The following LEMD3 variants were observed in gnomAD, a reference collection of about 807,000 sequenced individuals.
LEMD3 encodes inner nuclear membrane protein Man1.
In LEMD3, 33 loss-of-function variants were observed where a neutral mutation model predicts 95.2. The observed-to-expected ratio is 0.35, with a 90% CI of 0.26 to 0.46. The LOEUF (loss-of-function observed/expected upper bound fraction) is 0.46, where lower values mean the gene tolerates loss of function less well. LEMD3 is among the 20% of genes least tolerant of loss of function. The probability of loss-of-function intolerance (pLI) is 1.00; values close to 1 mark genes in which losing one functional copy is unlikely to be tolerated. For synonymous variants in LEMD3, 525 were observed against 474.6 expected (o/e 1.11, Z -1.38); for missense variants, 1,210 against 1,192.8 (o/e 1.01, Z -0.21).
At position 65,241,811 on chromosome 12, in the gene LEMD3, C is replaced by T. The variant is rs143307906; in HGVS notation, c.2305+724C>T. On this transcript the variant is annotated intron_variant, in intron 9 of 12. Coordinates refer to ENST00000308330, the MANE Select transcript of LEMD3 (RefSeq NM_014319.5). ...ACATGCAATACAAAGTCCAGTCACT[C>T]CTTTTTTATTCTCCAATTAATTTTC... Among the ~76,000 whole-genome samples, 4 of 152,218 alleles carry T rather than the reference C, an allele frequency of 2.6e-5. No homozygotes were observed. In the East Asian group the frequency reaches 7.7e-4, roughly 29 times the overall value.
intron 1 of LEMD3, among the ~76,000 whole-genome samples, chr12:65,188,753 A>G (rs1420362661): frequency 6.6e-6 from 1 of 152,138 alleles, no homozygotes; most frequent in Non-Finnish European, 1.5e-5. Flanking sequence ...AGTATGGAAT[A>G]CAAAAGTCAT....
intron 1 of LEMD3, among the ~76,000 whole-genome samples, chr12:65,205,917 A>C (rs566931520): frequency 2.0e-5 from 3 of 152,170 alleles, no homozygotes; most frequent in Non-Finnish European, 2.9e-5. Context: ...GTATACATCA[A>C]GGGAACTGTT....
At chr12:65,215,493 A>G (rs987496749) in intron 2 of LEMD3, among the ~76,000 whole-genome samples, 1 of 152,170 alleles carries the variant, frequency 6.6e-6, no homozygotes, top group Non-Finnish European at 1.5e-5. Context: ...TTAACAGTTC[A>G]TAAGTTTATA....
Position 65,171,465 on chromosome 12 carries a change from T to G in LEMD3, c.1522+347T>G, listed in dbSNP as rs930869229. On this transcript the variant is annotated intron_variant, in intron 1 of 12. Coordinates refer to ENST00000308330, the MANE Select transcript of LEMD3 (RefSeq NM_014319.5). Reference sequence around the variant, plus strand: ...CCAGTTACTTAACAAATTTGAAGTATTAGGATAAGGCACATTATAAATGTA... The same window carrying G: ...CCAGTTACTTAACAAATTTGAAGTAGTAGGATAAGGCACATTATAAATGTA... 5 of 327,144 alleles carry G rather than the reference T, an allele frequency of 1.5e-5. No homozygotes were observed. In the Admixed American group the frequency reaches 2.2e-4, roughly 14 times the overall value. 20.3% of individuals were successfully genotyped at this position (327,144 alleles called of 1,614,324 possible).
intron 4 of LEMD3, among the ~76,000 whole-genome samples, chr12:65,232,421 A>G (rs1870657196): frequency 6.6e-6 from 1 of 152,206 alleles, no homozygotes. Context: ...AACTTCTAGT[A>G]CATTTTAAGC....
chr12:65,240,692 A>G, intron 8 of LEMD3: 1 of 578,908 alleles, frequency 1.7e-6, no homozygotes, highest in Middle Eastern at 4.7e-4. Flanking sequence ...AAGCCAGTGG[A>G]GCTTTTGGGG....
chr12:65,170,000 T>C lies in LEMD3; in HGVS notation c.404T>C (p.Val135Ala). The C allele has an allele frequency of 1.3e-6, 2 of 1,492,692 alleles. No homozygotes were observed. The highest frequency in any genetic ancestry group is 1.8e-6 in the Non-Finnish European group (2 of 1,132,104). 92.5% of individuals were successfully genotyped at this position (1,492,692 alleles called of 1,614,324 possible). Residue 135 changes from valine to alanine, a missense_variant, in exon 1 of 13, where the codon GTG becomes GCG. Transcript: ENST00000308330. ...ASAAPAAGSK[V>A]LLGFSSDESD... ...GCCGCCCCCGCGGCTGGCAGCAAAG[T>C]GCTGCTGGGCTTCAGCTCGGACGAG...
rs995407943 is a variant in LEMD3 at position 65,246,677 on chromosome 12, C to T, written c.*352C>T. ...GCATGATGAAAAGGCTTCTTGTAGT[C>T]CCATAATTTCTTGTGAACTAATGTT... On this transcript the variant is annotated 3_prime_UTR_variant, in exon 13 of 13. Transcript: ENST00000308330. 6.5e-5 allele frequency: 17 copies of T among 260,160 alleles called. No individual in the cohort carries two copies. Among genetic ancestry groups the T allele is most frequent in the Non-Finnish European group, 1.1e-4 (15 of 134,160 alleles). The allele number at this position is 260,160 out of a possible 1,614,324, so 16.1% of individuals were successfully genotyped here.
chr12:65,216,624 T>TA (rs973194103), intron 3 of LEMD3, among the ~76,000 whole-genome samples: 3 of 151,954 alleles, frequency 2.0e-5, no homozygotes, highest in African/African-American at 7.2e-5. Context: ...TACCTTTTTT[T>TA]AGTTCTTTTT....
At chr12:65,210,759 C>T (rs575432007) in intron 1 of LEMD3, among the ~76,000 whole-genome samples, 167 bp from the exon 2 acceptor site, 1 of 152,128 alleles carries the variant, frequency 6.6e-6, no homozygotes, top group Non-Finnish European at 1.5e-5. Flanking sequence ...AAGTATAAGT[C>T]TGAAAAATTA....
Position 65,240,205 on chromosome 12 carries a change from A to C in LEMD3, c.2093A>C (p.His698Pro). The change falls in exon 8 of 13, where the codon CAT (histidine) becomes CCT (proline). Residue 698 changes from histidine to proline, a missense_variant. Physicochemically the swap from His to Pro is moderately conservative, Grantham distance 77. Transcript: ENST00000308330. ...TTACAACCTTACATGCCTATTCCAC[A>C]TGTACGCGATTCCTTAATACAGCCT... Reference protein sequence around the residue: ...KDLQPYMPIPHVRDSLIQPHD... With the variant: ...KDLQPYMPIPPVRDSLIQPHD... 6.2e-7 allele frequency: 1 copy of C among 1,613,652 alleles called. No homozygotes were observed. The highest frequency in any genetic ancestry group is 8.5e-7 in the Non-Finnish European group (1 of 1,179,588).
chr12:65,206,292 G>A (rs1157027375), intron 1 of LEMD3, among the ~76,000 whole-genome samples: 2 of 152,068 alleles, frequency 1.3e-5, no homozygotes. Context: ...CTGCCTAGAT[G>A]AATTTATTAA....
At chr12:65,238,307 CT>C (rs1487256517) in intron 4 of LEMD3, among the ~76,000 whole-genome samples, 194 bp from the exon 5 acceptor site, 1 of 151,966 alleles carries the variant, frequency 6.6e-6, no homozygotes, top group East Asian at 1.9e-4. Flanking sequence ...AATATTAACA[CT>C]GATTATATTG....
chr12:65,242,441 A>G (rs756204281), intron 9 of LEMD3, among the ~76,000 whole-genome samples: 2 of 152,156 alleles, frequency 1.3e-5, no homozygotes, highest in Non-Finnish European at 2.9e-5. Context: ...GTACCCAACT[A>G]TATATTTCTG....
chr12:65,190,865 G>GA (rs1280958163), intron 1 of LEMD3, among the ~76,000 whole-genome samples: 1 of 152,146 alleles, frequency 6.6e-6, no homozygotes, highest in East Asian at 1.9e-4. Flanking sequence ...AGATAGTTGA[G>GA]AAAAGGTGTT....
Position 65,240,869 on chromosome 12 carries a change from C to G in LEMD3, c.2127-40C>G, listed in dbSNP as rs1228895246. 2.6e-6 allele frequency: 4 copies of G among 1,564,868 alleles called. No homozygotes were observed. In the Admixed American group the frequency reaches 5.0e-5, roughly 20 times the overall value. On this transcript the variant is annotated intron_variant, in intron 8 of 12. Coordinates refer to ENST00000308330, the MANE Select transcript of LEMD3 (RefSeq NM_014319.5). Reference sequence around the variant, plus strand: ...ACTAATATTTCAAAAAGATGACAAGCCAAGATGATAGTAAATTTGCCATTT... The same window carrying G: ...ACTAATATTTCAAAAAGATGACAAGGCAAGATGATAGTAAATTTGCCATTT...
rs867872201 is a variant in LEMD3 at position 65,176,085 on chromosome 12, T to G, written c.1522+4967T>G. Among the ~76,000 whole-genome samples, 4 of 152,322 alleles carry G rather than the reference T, an allele frequency of 2.6e-5. No individual in the cohort carries two copies. The South Asian group carries it at 8.3e-4, about 32-fold the overall frequency. Reference sequence around the variant, plus strand: ...AGGTTAGTCTCTTGCCTGAACTCTTTCAGTAACCTAAAATGGTGTCCCTGC... The same window carrying G: ...AGGTTAGTCTCTTGCCTGAACTCTTGCAGTAACCTAAAATGGTGTCCCTGC... On this transcript the variant is annotated intron_variant, in intron 1 of 12. Coordinates refer to ENST00000308330, the MANE Select transcript of LEMD3 (RefSeq NM_014319.5).
At chr12:65,230,481 AAATTT>A (rs1186074817) in intron 4 of LEMD3, among the ~76,000 whole-genome samples, 1 of 151,900 alleles carries the variant, frequency 6.6e-6, no homozygotes, top group Non-Finnish European at 1.5e-5. Context: ...CTTCTTGGTT[AAATTT>A]AATTGTAGGT....
chr12:65,205,742 T>G (rs988686959), intron 1 of LEMD3, among the ~76,000 whole-genome samples: 1 of 152,102 alleles, frequency 6.6e-6, no homozygotes, highest in African/African-American at 2.4e-5. Flanking sequence ...ATCTCGAAAT[T>G]CAGATCAATA....
Sources: gnomAD v4.1 joint callset for allele counts (sites outside exome capture counted in the v4.1 genomes callset) on GRCh38, gnomAD v4.1.1 for gene constraint, MANE v1.5 for transcripts, NCBI Gene and HGNC (gene_info 2026-07-23, HGNC 2026-07-21) for gene names.